Variants in CDK12 observed in about 807,000 individuals in gnomAD.
CDK12 encodes the protein cyclin dependent kinase 12, also known as cyclin-dependent kinase 12.
A neutral mutation model predicts 133.8 loss-of-function variants in CDK12; 17 were observed. The observed-to-expected ratio is 0.13, with a 90% CI of 0.09 to 0.19. CDK12 has a LOEUF of 0.19. Ranked by LOEUF, CDK12 falls within the 10% of genes least tolerant of loss-of-function variation. The pLI is 1.00. For synonymous variants in CDK12, 694 were observed against 683.6 expected (o/e 1.02, Z -0.24); for missense variants, 1,508 against 1,818.7 (o/e 0.83, Z 3.11).
In CDK12 at chr17:39,471,409, C is replaced by A; in HGVS notation, c.1577C>A (p.Pro526His). Residue 526 changes from proline to histidine, a missense_variant, in exon 2 of 14, where the codon CCT becomes CAT. Coordinates refer to ENST00000447079, the MANE Select transcript of CDK12 (RefSeq NM_016507.4). ...KETETSEKETPPPLPTIASPP... is the reference protein window; with the variant it reads ...KETETSEKETHPPLPTIASPP... ...ACAGAAACATCAGAAAAGGAGACCC[C>A]TCCACCTCTTCCCACAATTGCTTCT... 6.2e-7 allele frequency: 1 copy of A among 1,613,920 alleles called. No homozygotes were observed. Among genetic ancestry groups the A allele is most frequent in the Non-Finnish European group, 8.5e-7 (1 of 1,179,924 alleles).
At chr17:39,497,491 C>A (rs1054784220) in intron 5 of CDK12, among the ~76,000 whole-genome samples, 1 of 149,848 alleles carries the variant, frequency 6.7e-6, no homozygotes, top group Admixed American at 6.7e-5. Flanking sequence ...TGCAGTGAGC[C>A]GAGATTGAGT....
intron 12 of CDK12, among the ~76,000 whole-genome samples, chr17:39,525,635 C>T (rs1015733524): frequency 6.6e-6 from 1 of 152,166 alleles, no homozygotes; most frequent in Non-Finnish European, 1.5e-5. Flanking sequence ...AAAGTGAAGT[C>T]ACTTTTATGC....
chr17:39,536,178 A>G (rs1011638804), downstream of CDK12, among the ~76,000 whole-genome samples: 1 of 152,118 alleles, frequency 6.6e-6, no homozygotes, highest in African/African-American at 2.4e-5. Context: ...TCCATCTCCT[A>G]TCCACCCACT....
intron 10 of CDK12, among the ~76,000 whole-genome samples, chr17:39,518,078 A>G (rs945807367): frequency 1.3e-5 from 2 of 151,804 alleles, no homozygotes; most frequent in Non-Finnish European, 2.9e-5. Context: ...CCCAAGTTCA[A>G]GTGATTCTCC....
At chr17:39,481,406 A>G (rs906990182) in intron 2 of CDK12, among the ~76,000 whole-genome samples, 4 of 148,850 alleles carry the variant, frequency 2.7e-5, no homozygotes, top group South Asian at 2.1e-4. Context: ...CCTCACTGCA[A>G]TCTCCACCTC....
intron 9 of CDK12, among the ~76,000 whole-genome samples, chr17:39,516,623 A>G (rs2053823005): frequency 6.9e-6 from 1 of 145,280 alleles, no homozygotes; most frequent in Non-Finnish European, 1.5e-5. Flanking sequence ...AAGTGCTGGG[A>G]TTACACACGT....
At chr17:39,490,859 A>G in intron 3 of CDK12, 126 bp downstream of exon 3, 1 of 631,642 alleles carries the variant, frequency 1.6e-6, no homozygotes. Context: ...AGTATTTTTT[A>G]ATTTTATTTT....
chr17:39,537,567 T>A (rs1261449486), downstream of CDK12, among the ~76,000 whole-genome samples: 1 of 146,036 alleles, frequency 6.8e-6, no homozygotes, highest in Admixed American at 6.7e-5. Context: ...ATTTATTTAT[T>A]TATTTATTTA....
intron 3 of CDK12, among the ~76,000 whole-genome samples, chr17:39,491,229 C>G (rs376714773): frequency 6.6e-6 from 1 of 151,936 alleles, no homozygotes; most frequent in African/African-American, 2.4e-5. Flanking sequence ...GTATTATTGT[C>G]GTAGTTTTAT....
rs71147339 is a variant in CDK12, at chr17:39,466,615, G to GAAAAAAAAAAAAAAAAAA, written c.1046+3521_1046+3538dup. Reference sequence around the variant, plus strand: ...GGGCAACAAGAGTGAAACTCTATCTGAAAAAAAAAAAAAAAAAAAAAAAAA... The same window carrying GAAAAAAAAAAAAAAAAAA: ...GGGCAACAAGAGTGAAACTCTATCTGAAAAAAAAAAAAAAAAAAAAAAAAAAAAAAAAAAAAAAAAAAA... On this transcript the variant is annotated intron_variant, in intron 1 of 13. Coordinates refer to ENST00000447079, the MANE Select transcript of CDK12 (RefSeq NM_016507.4). Among the ~76,000 whole-genome samples the GAAAAAAAAAAAAAAAAAA allele has an allele frequency of 2.9e-4, 9 of 31,482 alleles. 3 individuals are homozygous for GAAAAAAAAAAAAAAAAAA. Among genetic ancestry groups the GAAAAAAAAAAAAAAAAAA allele is most frequent in the African/African-American group, 7.9e-4 (8 of 10,134 alleles). The allele number at this position is 31,482 out of a possible 152,430, so 20.7% of individuals were successfully genotyped here.
intron 6 of CDK12, 33 bp from the exon 7 acceptor site, chr17:39,509,672 G>A: frequency 6.4e-7 from 1 of 1,559,822 alleles, no homozygotes; most frequent in Non-Finnish European, 8.8e-7. Context: ...CCACTGCTAT[G>A]GCTTATGAAA....
chr17:39,493,174 T>TTTG lies in CDK12; in HGVS notation c.2248+286_2248+287insGTT, dbSNP rs1555562342. 8.6e-5 allele frequency among the ~76,000 whole-genome samples: 13 copies of TTTG among 150,880 alleles called. No individual in the cohort carries two copies. In the East Asian group the frequency reaches 2.6e-3, roughly 30 times the overall value. ...ACACTCGACTAATTTTTGTTTTTTT[T>TTTG]TTTTTTTTAGTAGAAACAGGGTTCC... On this transcript the variant is annotated intron_variant, in intron 4 of 13. Transcript: ENST00000447079.
At chr17:39,541,362 CTTTTTTT>C (rs201866427) in intron 1 of CDK12, among the ~76,000 whole-genome samples, 1 of 137,186 alleles carries the variant, frequency 7.3e-6, no homozygotes, top group African/African-American at 3.2e-5. Context: ...GAGTTTGGCT[CTTTTTTT>C]TTTTTTTTTT....
chr17:39,482,089 C>G (rs1303107567), intron 2 of CDK12, among the ~76,000 whole-genome samples: 2 of 140,994 alleles, frequency 1.4e-5, no homozygotes, highest in Non-Finnish European at 3.0e-5. Flanking sequence ...TCTCCACTCA[C>G]TGCAACCTCC....
chr17:39,552,914 A>G (rs768529051), intron 2 of CDK12, among the ~76,000 whole-genome samples: 4 of 152,090 alleles, frequency 2.6e-5, no homozygotes, highest in Non-Finnish European at 4.4e-5. Flanking sequence ...TTTTTAGTAG[A>G]GACGTGGTTT....
At chr17:39,486,466 T>G (rs1020801406) in intron 2 of CDK12, among the ~76,000 whole-genome samples, 1 of 151,526 alleles carries the variant, frequency 6.6e-6, no homozygotes, top group East Asian at 2.0e-4. Flanking sequence ...AAGGTCTCAC[T>G]ATGTTGCTCA....
At chr17:39,479,252 G>A (rs2050446220) in intron 2 of CDK12, among the ~76,000 whole-genome samples, 1 of 146,580 alleles carries the variant, frequency 6.8e-6, no homozygotes, top group African/African-American at 2.5e-5. Context: ...AGCTTGCAGT[G>A]AGCCGCGATC....
chr17:39,564,288 G>A (rs1417778390), intron 3 of CDK12, among the ~76,000 whole-genome samples: 1 of 152,162 alleles, frequency 6.6e-6, no homozygotes, highest in African/African-American at 2.4e-5. Context: ...AGAGAAGGGA[G>A]TCTATGATAG....
At chr17:39,516,863 C>T (rs1025989710) in intron 9 of CDK12, among the ~76,000 whole-genome samples, 5 of 151,072 alleles carry the variant, frequency 3.3e-5, no homozygotes, top group Admixed American at 2.6e-4. Flanking sequence ...CGGGGTTTCA[C>T]CATGTTAGCC....
Sources: allele counts gnomAD v4.1 joint callset (sites outside exome capture counted in the v4.1 genomes callset), GRCh38; gene constraint gnomAD v4.1.1; transcripts MANE v1.5; gene names NCBI Gene and HGNC (gene_info 2026-07-23, HGNC 2026-07-21).